Variants in ITGA6 observed in about 807,000 individuals in gnomAD.
ITGA6 encodes integrin subunit alpha 6, also known as integrin alpha-6.
In ITGA6, 63 loss-of-function variants were observed where a neutral mutation model predicts 133.6. That is an observed-to-expected ratio of 0.47 (90% CI 0.38 to 0.58). The LOEUF (loss-of-function observed/expected upper bound fraction) is 0.58, where lower values mean the gene tolerates loss of function less well. Ranked by LOEUF, ITGA6 falls within the 20% of genes least tolerant of loss-of-function variation. The pLI is 0.00. For synonymous variants in ITGA6, 434 were observed against 482.0 expected, an observed-to-expected ratio of 0.90 and a Z score of 1.30; for missense variants, 1,068 against 1,309.4, an observed-to-expected ratio of 0.82 and a Z score of 2.85.
chr2:172,504,248 C>A lies in ITGA6; in HGVS notation c.*180C>A. 1 of 1,557,052 alleles carries A rather than the reference C, an allele frequency of 6.4e-7. No individual in the cohort carries two copies. The highest frequency in any genetic ancestry group is 8.7e-7 in the Non-Finnish European group (1 of 1,151,494). On this transcript the variant is annotated 3_prime_UTR_variant, in exon 26 of 26. Coordinates refer to ENST00000684293, the MANE Select transcript of ITGA6 (RefSeq NM_000210.4). ...AAGTGGAACGAAAATGAAAGCTACT[C>A]ATAGCGGGGGCCTAAAAAAAAAAAG...
At chr2:172,483,123 TGGA>T (rs1427194760) in intron 11 of ITGA6, among the ~76,000 whole-genome samples, 1 of 152,098 alleles carries the variant, frequency 6.6e-6, no homozygotes, top group African/African-American at 2.4e-5. Context: ...ACAGGCTTCC[TGGA>T]GGAGGTGAGG....
chr2:172,476,316 T>C, intron 8 of ITGA6, 79 bp from the exon 9 acceptor site: 1 of 828,362 alleles, frequency 1.2e-6, no homozygotes, highest in Non-Finnish European at 2.2e-6. Context: ...CAAAAGAAAC[T>C]TGTGTGTCTT....
chr2:172,457,978 C>T (rs1200547881), intron 1 of ITGA6, among the ~76,000 whole-genome samples: 1 of 152,006 alleles, frequency 6.6e-6, no homozygotes, highest in African/African-American at 2.4e-5. Context: ...CCCCTCCCCG[C>T]CCCCCAACCA....
intron 1 of ITGA6, among the ~76,000 whole-genome samples, chr2:172,439,867 C>T (rs1408317010): frequency 1.3e-5 from 2 of 152,112 alleles, no homozygotes; most frequent in African/African-American, 4.8e-5. Flanking sequence ...GTGAAATAGC[C>T]CATTCTTGGA....
At chr2:172,466,108 C>T (rs1685661495) in intron 2 of ITGA6, 2 of 273,916 alleles carry the variant, frequency 7.3e-6, no homozygotes, top group Non-Finnish European at 1.4e-5. Context: ...GTTTTCCCTC[C>T]TGTCTCAGAT....
chr2:172,504,285 C>T lies in ITGA6; in HGVS notation c.*217C>T, dbSNP rs765911471. The stretch of plus-strand genomic sequence containing the variant: ...CTAAAAAAAAAAAGCTTCACAGTAC[C>T]CAAACTGCTTTTTCCAACTCAGAAA... On this transcript the variant is annotated 3_prime_UTR_variant, in exon 26 of 26. Coordinates refer to ENST00000684293, the MANE Select transcript of ITGA6 (RefSeq NM_000210.4). 14 of 1,489,134 alleles carry T rather than the reference C, an allele frequency of 9.4e-6. No homozygotes were observed. The highest frequency in any genetic ancestry group is 1.3e-5 in the Non-Finnish European group (14 of 1,112,410). The allele number at this position is 1,489,134 out of a possible 1,614,324, so 92.2% of individuals were successfully genotyped here.
intron 1 of ITGA6, among the ~76,000 whole-genome samples, chr2:172,437,772 A>AAACCTAGCTGCCCAGT (rs1553525591): frequency 4.6e-5 from 7 of 151,970 alleles, no homozygotes; most frequent in Admixed American, 2.6e-4. Context: ...TGGAGGCCTG[A>AAACCTAGCTGCCCAGT]GCCCTATGGT....
At chr2:172,502,520 A>G (rs1687391552) in intron 25 of ITGA6, among the ~76,000 whole-genome samples, 1 of 152,212 alleles carries the variant, frequency 6.6e-6, no homozygotes, top group South Asian at 2.1e-4. Flanking sequence ...CCTACAGGTC[A>G]AAGACCATTA....
chr2:172,446,280 A>T (rs1684764712), intron 1 of ITGA6, among the ~76,000 whole-genome samples: 1 of 152,204 alleles, frequency 6.6e-6, no homozygotes, highest in African/African-American at 2.4e-5. Flanking sequence ...TTTTTTATTT[A>T]AAATATTTTA....
intron 1 of ITGA6, among the ~76,000 whole-genome samples, chr2:172,432,248 C>G (rs1203805227): frequency 6.6e-6 from 1 of 152,176 alleles, no homozygotes; most frequent in Non-Finnish European, 1.5e-5. Context: ...TAAAATTTCC[C>G]CATCCTACAC....
chr2:172,442,483 T>G (rs1340273044), intron 1 of ITGA6, among the ~76,000 whole-genome samples: 2 of 152,132 alleles, frequency 1.3e-5, no homozygotes, highest in Non-Finnish European at 2.9e-5. Flanking sequence ...AGCTGAAAGG[T>G]TCCCCTGAAT....
At position 172,441,549 on chromosome 2, in the gene ITGA6, G is replaced by A. The variant is rs577643298; in HGVS notation, c.182+13579G>A. Among the ~76,000 whole-genome samples, 12 of 107,362 alleles carry A rather than the reference G, an allele frequency of 1.1e-4. No individual in the cohort carries two copies. In the South Asian group the frequency reaches 3.0e-3, roughly 27 times the overall value. 70.4% of individuals were successfully genotyped at this position (107,362 alleles called of 152,430 possible). ...CCAGCCTGGGTAACAGAGTGGAGAC[G>A]CTGTCTCTTTAAAAAAAAAAAAAAA... On this transcript the variant is annotated intron_variant, in intron 1 of 25. Transcript: ENST00000684293.
intron 1 of ITGA6, 29 bp downstream of exon 1, chr2:172,427,999 C>A (rs765517528): frequency 2.5e-6 from 4 of 1,587,586 alleles, no homozygotes; most frequent in Non-Finnish European, 3.4e-6. Context: ...CCCACCCCCA[C>A]TGGGGCGCCG....
Position 172,504,409 on chromosome 2 carries a change from G to T in ITGA6, c.*341G>T. The T allele has an allele frequency of 3.9e-6, 2 of 516,372 alleles. No individual in the cohort carries two copies. Among genetic ancestry groups the T allele is most frequent in the Non-Finnish European group, 6.8e-6 (2 of 295,616 alleles). 32.0% of individuals were successfully genotyped at this position (516,372 alleles called of 1,614,324 possible). ...CAGTTTTAACTGTGGATATTGTTAC[G>T]TAGCCTAAGGCTCCTGTTTTGCACA... On this transcript the variant is annotated 3_prime_UTR_variant, in exon 26 of 26. Transcript: ENST00000684293.
intron 1 of ITGA6, among the ~76,000 whole-genome samples, chr2:172,460,763 A>G (rs1389481328): frequency 6.6e-6 from 1 of 152,232 alleles, no homozygotes; most frequent in Non-Finnish European, 1.5e-5. Flanking sequence ...ACATAATGCT[A>G]CTTTCTAACT....
At position 172,469,351 on chromosome 2, in the gene ITGA6, T is replaced by A; in HGVS notation, c.614T>A (p.Phe205Tyr). ...ACTAAAGACTTTCATTACATTGTAT[T>A]TGGAGCCCCGGGTACTTATAACTGG... The part of the protein sequence containing the change: ...TFTKDFHYIV[F>Y]GAPGTYNWKG... Residue 205 changes from phenylalanine to tyrosine, a missense_variant, in exon 4 of 26, where the codon TTT becomes TAT. By Grantham distance (22) the Phe-to-Tyr change is conservative (BLOSUM62 3). Coordinates refer to ENST00000684293, the MANE Select transcript of ITGA6 (RefSeq NM_000210.4). 6.2e-7 allele frequency: 1 copy of A among 1,614,092 alleles called. No individual in the cohort carries two copies. The highest frequency in any genetic ancestry group is 1.1e-5 in the South Asian group (1 of 91,084).
rs1419881953 is a variant in ITGA6 at position 172,487,560 on chromosome 2, G to T, written c.2174G>T (p.Ser725Ile). The T allele has an allele frequency of 9.3e-6, 15 of 1,614,040 alleles. No homozygotes were observed. The highest frequency in any genetic ancestry group is 1.3e-5 in the Non-Finnish European group (15 of 1,179,998). ...TTTCTTTTACAGGAGAAACAGTTGA[G>T]TTGTGTTGCCAACCAGAATGGCTCG... ...ELRAFPEKQL[S>I]CVANQNGSQA... The change falls in exon 16 of 26, where the codon AGT (serine) becomes ATT (isoleucine). Residue 725 changes from serine (S) to isoleucine (I), a missense_variant. Physicochemically the swap from Ser to Ile is moderately radical, Grantham distance 142. Coordinates refer to ENST00000684293, the MANE Select transcript of ITGA6 (RefSeq NM_000210.4).
chr2:172,496,319 A>AC (rs1687126654), intron 23 of ITGA6, among the ~76,000 whole-genome samples: 1 of 152,228 alleles, frequency 6.6e-6, no homozygotes, highest in Non-Finnish European at 1.5e-5. Context: ...ATAACAGGAA[A>AC]CATGGTGGCT....
At chr2:172,466,714 A>G (rs974831519) in intron 2 of ITGA6, among the ~76,000 whole-genome samples, 2 of 152,192 alleles carry the variant, frequency 1.3e-5, no homozygotes, top group East Asian at 3.8e-4. Flanking sequence ...GAATAAAAAA[A>G]CCCACTGGCA....
Sources: gnomAD v4.1 joint callset for allele counts (sites outside exome capture counted in the v4.1 genomes callset) on GRCh38, gnomAD v4.1.1 for gene constraint, MANE v1.5 for transcripts, NCBI Gene and HGNC (gene_info 2026-07-23, HGNC 2026-07-21) for gene names.